Variants in MTUS2 observed in about 807,000 individuals in gnomAD.
MTUS2 encodes microtubule-associated tumor suppressor candidate 2.
A neutral mutation model predicts 114.1 loss-of-function variants in MTUS2; 40 were observed. The ratio of observed to expected loss-of-function variants is 0.35; its 90% CI spans 0.27 to 0.46. The LOEUF (loss-of-function observed/expected upper bound fraction) is 0.46, where lower values mean the gene tolerates loss of function less well. Ranked by LOEUF, MTUS2 falls within the 20% of genes least tolerant of loss-of-function variation. MTUS2 has a pLI of 1.00. For synonymous variants in MTUS2, 688 were observed against 672.0 expected (o/e 1.02, Z -0.37); for missense variants, 1,679 against 1,705.4 (o/e 0.98, Z 0.27).
intron 8 of MTUS2, among the ~76,000 whole-genome samples, chr13:29,360,153 C>G (rs2138231871): frequency 6.6e-6 from 1 of 152,302 alleles, no homozygotes; most frequent in East Asian, 1.9e-4. Flanking sequence ...CATTTGTTCT[C>G]CACCTTGAAG....
chr13:29,449,552 A>C (rs1878538185), intron 9 of MTUS2, among the ~76,000 whole-genome samples: 1 of 152,232 alleles, frequency 6.6e-6, no homozygotes, highest in East Asian at 1.9e-4. Context: ...TGAGGGTCAG[A>C]AAGAGTAAGT....
At chr13:29,286,215 C>A (rs987152077) in intron 6 of MTUS2, among the ~76,000 whole-genome samples, 2 of 152,264 alleles carry the variant, frequency 1.3e-5, no homozygotes, top group Middle Eastern at 3.4e-3. Flanking sequence ...CATGAGCCAC[C>A]GCACCCGAAT....
At chr13:28,906,214 T>A (rs1027887746) in intron 2 of MTUS2, among the ~76,000 whole-genome samples, 5 of 151,526 alleles carry the variant, frequency 3.3e-5, no homozygotes, top group Admixed American at 6.6e-5. Context: ...AGCTCCTGGA[T>A]TCATTAATTT....
rs1426682625 is a variant in MTUS2, at chr13:29,358,635, G to A, written c.2906-627G>A. Among the ~76,000 whole-genome samples the A allele has an allele frequency of 3.3e-5, 5 of 152,312 alleles. No homozygotes were observed. In the South Asian group the frequency reaches 1.0e-3, roughly 32 times the overall value. On this transcript the variant is annotated intron_variant, in intron 7 of 15. Coordinates refer to ENST00000612955, the MANE Select transcript of MTUS2 (RefSeq NM_001033602.4). ...TTCCCATCAGAGAGTGAGAGGGGAT[G>A]GCGGCTCAGACTACACCTTTAGCCA...
intron 9 of MTUS2, among the ~76,000 whole-genome samples, chr13:29,445,767 G>A (rs1878232337): frequency 6.6e-6 from 1 of 152,080 alleles, no homozygotes; most frequent in African/African-American, 2.4e-5. Flanking sequence ...AATTAGCCAG[G>A]TATGGTGGCA....
chr13:29,134,699 G>A (rs1209912444), intron 5 of MTUS2, among the ~76,000 whole-genome samples: 1 of 152,186 alleles, frequency 6.6e-6, no homozygotes, highest in Non-Finnish European at 1.5e-5. Context: ...CCGAGTTCAA[G>A]CAATTATCCC....
At chr13:29,334,678 C>T (rs1180842173) in intron 7 of MTUS2, among the ~76,000 whole-genome samples, 2 of 152,074 alleles carry the variant, frequency 1.3e-5, no homozygotes, top group Non-Finnish European at 1.5e-5. Context: ...AATTATGTGT[C>T]TTAGGGGTGC....
At chr13:28,834,801 A>G (rs1874955360) in intron 1 of MTUS2, among the ~76,000 whole-genome samples, 1 of 152,198 alleles carries the variant, frequency 6.6e-6, no homozygotes, top group Admixed American at 6.5e-5. Flanking sequence ...TCCAGAATAT[A>G]TAAAAATGAT....
chr13:29,437,405 G>A (rs1412865838), intron 8 of MTUS2, among the ~76,000 whole-genome samples: 1 of 152,112 alleles, frequency 6.6e-6, no homozygotes, highest in African/African-American at 2.4e-5. Flanking sequence ...AAAGCAAGTT[G>A]GTTTTTCCAC....
At chr13:29,357,938 G>A (rs947787543) in intron 7 of MTUS2, among the ~76,000 whole-genome samples, 4 of 152,114 alleles carry the variant, frequency 2.6e-5, no homozygotes, top group South Asian at 2.1e-4. Flanking sequence ...CCACTTGCAC[G>A]TTCACAAACC....
intron 2 of MTUS2, among the ~76,000 whole-genome samples, chr13:28,928,038 G>C (rs1170358438): frequency 5.9e-5 from 9 of 152,076 alleles, no homozygotes; most frequent in African/African-American, 2.2e-4. Flanking sequence ...GGGAAAACTA[G>C]ATATCCATAC....
At chr13:28,939,149 C>T (rs1221112965) in intron 2 of MTUS2, among the ~76,000 whole-genome samples, 1 of 152,196 alleles carries the variant, frequency 6.6e-6, no homozygotes, top group Non-Finnish European at 1.5e-5. Flanking sequence ...ATTGAGCTTT[C>T]CTAGTTCTTA....
At chr13:28,968,912 T>C (rs1209368819) in intron 2 of MTUS2, among the ~76,000 whole-genome samples, 4 of 152,244 alleles carry the variant, frequency 2.6e-5, no homozygotes, top group African/African-American at 9.6e-5. Flanking sequence ...TTTAAAATAT[T>C]AAAAACTTTC....
At chr13:29,174,007 A>G (rs1395848520) in intron 5 of MTUS2, among the ~76,000 whole-genome samples, 2 of 152,142 alleles carry the variant, frequency 1.3e-5, no homozygotes, top group Non-Finnish European at 2.9e-5. Flanking sequence ...TACACCCTGT[A>G]GAAGGCATAT....
At chr13:29,457,008 G>A (rs944910421) in intron 9 of MTUS2, among the ~76,000 whole-genome samples, 5 of 151,730 alleles carry the variant, frequency 3.3e-5, no homozygotes, top group African/African-American at 1.2e-4. Context: ...AGCCAGGCAT[G>A]GTGGCAGGCA....
intron 5 of MTUS2, among the ~76,000 whole-genome samples, chr13:29,158,358 C>CCCCCCCCCCCCTTT: frequency 9.4e-5 from 3 of 32,048 alleles, no homozygotes; most frequent in Non-Finnish European, 1.5e-4. Flanking sequence ...GTCCACCCCG[C>CCCCCCCCCCCCTTT]TTTTTTTTTT....
At chr13:29,128,228 C>T (rs1487290483) in intron 5 of MTUS2, among the ~76,000 whole-genome samples, 3 of 152,176 alleles carry the variant, frequency 2.0e-5, no homozygotes, top group African/African-American at 7.2e-5. Flanking sequence ...GCTGGGCAGG[C>T]AGGCCTTTCT....
At chr13:29,027,382 G>A (rs893732853) in intron 3 of MTUS2, among the ~76,000 whole-genome samples, 1 of 152,092 alleles carries the variant, frequency 6.6e-6, no homozygotes, top group African/African-American at 2.4e-5. Flanking sequence ...TGTTAGGCAT[G>A]GACTCTTTCT....
At chr13:29,452,601 TG>T (rs1878788229) in intron 9 of MTUS2, among the ~76,000 whole-genome samples, 1 of 150,614 alleles carries the variant, frequency 6.6e-6, no homozygotes, top group Non-Finnish European at 1.5e-5. Context: ...TGTGTGTGTG[TG>T]TGTGTATATA....
Sources: allele counts gnomAD v4.1 joint callset (sites outside exome capture counted in the v4.1 genomes callset), GRCh38; gene constraint gnomAD v4.1.1; transcripts MANE v1.5; gene names NCBI Gene and HGNC (gene_info 2026-07-23, HGNC 2026-07-21).